The following THRSP variants were observed in gnomAD, a reference collection of about 807,000 sequenced individuals.
THRSP encodes thyroid hormone-inducible hepatic protein.
Under a neutral mutation model 11.1 loss-of-function variants are expected in THRSP, and 9 were observed. The observed-to-expected ratio is 0.81, with a 90% confidence interval of 0.49 to 1.42. THRSP has a LOEUF of 1.42. Ranked by LOEUF, THRSP falls within the 40% of genes most tolerant of loss-of-function variation. The pLI is 0.00. For synonymous variants in THRSP, 73 were observed against 78.1 expected, an observed-to-expected ratio of 0.94 and a Z score of 0.34; for missense variants, 177 against 188.2, an observed-to-expected ratio of 0.94 and a Z score of 0.35.
Position 78,063,943 on chromosome 11 carries a change from C to T in THRSP, c.62C>T (p.Ala21Val), listed in dbSNP as rs1234343243. 2.5e-6 allele frequency: 4 copies of T among 1,611,526 alleles called. No homozygotes were observed. In the East Asian group the frequency reaches 6.7e-5, roughly 27 times the overall value. The change falls in exon 1 of 2, where the codon GCA becomes GTA. Residue 21 changes from alanine to valine, a missense_variant. Physicochemically the swap from Ala to Val is moderately conservative, Grantham distance 64 (BLOSUM62 0). Transcript: ENST00000281030. ...CTGCTGACCGTCATGGACCGGTATGCAGCCGAGGTGCACAACATGGAGCAG... is the reference window on the plus strand; with the variant it reads ...CTGCTGACCGTCATGGACCGGTATGTAGCCGAGGTGCACAACATGGAGCAG... The part of the protein sequence containing the change: ...NCLLTVMDRY[A>V]AEVHNMEQVV...
At chr11:78,065,986 G>T (rs1408174959) in intron 1 of THRSP, among the ~76,000 whole-genome samples, 4 of 152,196 alleles carry the variant, frequency 2.6e-5, no homozygotes, top group Non-Finnish European at 4.4e-5. Context: ...TGTGTCAACA[G>T]CTCTGGGTTC....
In THRSP at chr11:78,064,096, A is replaced by G; in HGVS notation, c.215A>G (p.His72Arg). Residue 72 changes from histidine to arginine, a missense_variant, in exon 1 of 2, where the codon CAT becomes CGT. Physicochemically the swap from His to Arg is conservative, Grantham distance 29. Coordinates refer to ENST00000281030, the MANE Select transcript of THRSP (RefSeq NM_003251.4). ...AAGGCCATCTGTGTGGATGTGGACC[A>G]TGGGCTGCTGCCGCGGGAGGAGTGG... ...MLKAICVDVD[H>R]GLLPREEWQA... 6.2e-7 allele frequency: 1 copy of G among 1,614,212 alleles called. No individual in the cohort carries two copies. The highest frequency in any genetic ancestry group is 8.5e-7 in the Non-Finnish European group (1 of 1,180,028).
rs150265953 is a variant in THRSP, at chr11:78,064,108, C to T, written c.227C>T (p.Pro76Leu). ...ICVDVDHGLL[P>L]REEWQAKVAG... ...GTGGATGTGGACCATGGGCTGCTGC[C>T]GCGGGAGGAGTGGCAGGCCAAGGTG... The change falls in exon 1 of 2, where the codon CCG (proline) becomes CTG (leucine). Residue 76 changes from proline to leucine, a missense_variant. Coordinates refer to ENST00000281030, the MANE Select transcript of THRSP (RefSeq NM_003251.4). The T allele has an allele frequency of 1.9e-5, 31 of 1,613,972 alleles. No individual in the cohort carries two copies. The highest frequency in any genetic ancestry group is 4.0e-5 in the African/African-American group (3 of 74,882).
chr11:78,064,586 G>C (rs1858678062), intron 1 of THRSP, among the ~76,000 whole-genome samples: 1 of 152,144 alleles, frequency 6.6e-6, no homozygotes, highest in South Asian at 2.1e-4. Context: ...GGCCTGTGAG[G>C]GCATATCTCA....
intron 1 of THRSP, among the ~76,000 whole-genome samples, chr11:78,065,833 T>G (rs1403836427): frequency 6.6e-6 from 1 of 152,244 alleles, no homozygotes; most frequent in Non-Finnish European, 1.5e-5. Flanking sequence ...ACAGAGCCTA[T>G]GGAGAGCTCT....
rs1858672772 is a variant in THRSP at position 78,064,405 on chromosome 11, C to A, written c.*19+64C>A. 3 of 1,411,240 alleles carry A rather than the reference C, an allele frequency of 2.1e-6. No homozygotes were observed. The South Asian group carries it at 4.1e-5, about 19-fold the overall frequency. 87.4% of individuals were successfully genotyped at this position (1,411,240 alleles called of 1,614,324 possible). ...GGACATTCCAGGAGAGGAGAGGGGG[C>A]AGTGGTGCAACCCACTGGGAGAGGA... On this transcript the variant is annotated intron_variant, in intron 1 of 1. Transcript: ENST00000281030.
intron 1 of THRSP, among the ~76,000 whole-genome samples, chr11:78,066,678 C>G (rs1447103250): frequency 6.6e-6 from 1 of 152,158 alleles, no homozygotes; most frequent in Admixed American, 6.6e-5. Context: ...CACTCTGACT[C>G]ACTCAGTTGC....
At position 78,064,030 on chromosome 11, in the gene THRSP, A is replaced by G. The variant is rs1374006012; in HGVS notation, c.149A>G (p.Gln50Arg). ...VQLSGPGGQA[Q>R]AEAPDLYTYF... ...CTGAGTGGGCCTGGGGGCCAGGCCC[A>G]GGCTGAGGCCCCTGATCTCTACACC... Residue 50 changes from glutamine to arginine, a missense_variant, in exon 1 of 2, where the codon CAG (glutamine) becomes CGG (arginine). Transcript: ENST00000281030. The G allele has an allele frequency of 1.9e-6, 3 of 1,614,062 alleles. No homozygotes were observed. Among genetic ancestry groups the G allele is most frequent in the Admixed American group, 1.7e-5 (1 of 60,008 alleles).
chr11:78,067,489 G>A (rs1858796912), intron 1 of THRSP, among the ~76,000 whole-genome samples, 170 bp from the exon 2 acceptor site: 1 of 152,230 alleles, frequency 6.6e-6, no homozygotes, highest in African/African-American at 2.4e-5. Flanking sequence ...GAAATCAAAT[G>A]AGTTATTCCA....
intron 1 of THRSP, among the ~76,000 whole-genome samples, chr11:78,066,080 A>G (rs964031914): frequency 6.6e-6 from 1 of 152,248 alleles, no homozygotes; most frequent in Non-Finnish European, 1.5e-5. Flanking sequence ...TCACTGAATA[A>G]TAACAGTGGT....
intron 1 of THRSP, among the ~76,000 whole-genome samples, chr11:78,066,323 C>T (rs1482011104): frequency 6.6e-6 from 1 of 152,148 alleles, no homozygotes; most frequent in Non-Finnish European, 1.5e-5. Context: ...GCCACCACAC[C>T]CAGCTAATTT....
chr11:78,064,362 G>T (rs757495948), intron 1 of THRSP, 21 bp downstream of exon 1: 2 of 1,565,016 alleles, frequency 1.3e-6, no homozygotes, highest in African/African-American at 1.4e-5. Context: ...CCATGCTGGT[G>T]GGTGTGAGTC....
intron 1 of THRSP, among the ~76,000 whole-genome samples, chr11:78,066,382 G>A (rs1436675046): frequency 6.6e-6 from 1 of 152,126 alleles, no homozygotes; most frequent in Non-Finnish European, 1.5e-5. Context: ...GGCCAGGCTG[G>A]TCTTGAACTC....
chr11:78,065,999 G>T (rs528813393), intron 1 of THRSP, among the ~76,000 whole-genome samples: 1 of 152,194 alleles, frequency 6.6e-6, no homozygotes, highest in African/African-American at 2.4e-5. Flanking sequence ...CTGGGTTCAC[G>T]TTCTGATTCT....
chr11:78,068,114 G>A lies in THRSP; in HGVS notation c.*475G>A, dbSNP rs1049095656. The stretch of plus-strand genomic sequence containing the variant: ...CAAGCTTATGAAAACTAAACATGAT[G>A]AATCAAAAGCACTTGGCATGTGAGG... On this transcript the variant is annotated 3_prime_UTR_variant, in exon 2 of 2. Transcript: ENST00000281030. 6 of 152,168 alleles carry A rather than the reference G, an allele frequency of 3.9e-5. No individual in the cohort carries two copies. Among genetic ancestry groups the A allele is most frequent in the African/African-American group, 1.4e-4 (6 of 41,536 alleles). 9.4% of individuals were successfully genotyped at this position (152,168 alleles called of 1,614,324 possible).
At chr11:78,067,402 G>A (rs747674441) in intron 1 of THRSP, among the ~76,000 whole-genome samples, 7 of 152,312 alleles carry the variant, frequency 4.6e-5, no homozygotes, top group Admixed American at 1.3e-4. Context: ...GATTACAGGC[G>A]TGAGCCACCA....
chr11:78,066,699 A>C (rs1007148348), intron 1 of THRSP, among the ~76,000 whole-genome samples: 2 of 152,222 alleles, frequency 1.3e-5, no homozygotes, highest in African/African-American at 4.8e-5. Context: ...TTCAAAGGCC[A>C]GAGCAGCAAC....
chr11:78,066,978 A>G (rs757345943), intron 1 of THRSP, among the ~76,000 whole-genome samples: 1 of 151,790 alleles, frequency 6.6e-6, no homozygotes, highest in Non-Finnish European at 1.5e-5. Flanking sequence ...GGTGCACGCC[A>G]CTACACCCAG....
At chr11:78,064,793 T>C (rs942848004) in intron 1 of THRSP, among the ~76,000 whole-genome samples, 3 of 151,868 alleles carry the variant, frequency 2.0e-5, no homozygotes, top group Non-Finnish European at 2.9e-5. Context: ...ATTGAGACCA[T>C]CCTGGCTAAC....
Sources: allele counts gnomAD v4.1 joint callset (sites outside exome capture counted in the v4.1 genomes callset), GRCh38; gene constraint gnomAD v4.1.1; transcripts MANE v1.5; gene names NCBI Gene and HGNC (gene_info 2026-07-23, HGNC 2026-07-21).